Variants in TRIO observed in about 807,000 individuals in gnomAD.
TRIO encodes trio Rho guanine nucleotide exchange factor.
TRIO carries 58 observed loss-of-function variants against 351.9 expected under a neutral mutation model. The observed-to-expected ratio is 0.16, with a 90% confidence interval of 0.13 to 0.21. The LOEUF is 0.21. TRIO is among the 10% of genes least tolerant of loss of function. TRIO has a pLI of 1.00. For missense variants in TRIO, 3,201 were observed against 4,027.8 expected (o/e 0.79, Z 5.56); for synonymous variants, 1,758 against 1,595.7 (o/e 1.10, Z -2.42).
chr5:14,442,846 G>A (rs1752173121), intron 34 of TRIO, among the ~76,000 whole-genome samples: 1 of 152,220 alleles, frequency 6.6e-6, no homozygotes, highest in Admixed American at 6.5e-5. Context: ...TGAATCTTGA[G>A]TAAATTACCT....
chr5:14,474,221 C>A, intron 40 of TRIO, 124 bp downstream of exon 40: 1 of 869,060 alleles, frequency 1.2e-6, no homozygotes. Flanking sequence ...CTGGAGGGAG[C>A]TGGTGCAAAG....
intron 1 of TRIO, among the ~76,000 whole-genome samples, chr5:14,196,226 G>A (rs1441825827): frequency 1.3e-5 from 2 of 151,950 alleles, no homozygotes; most frequent in East Asian, 3.9e-4. Flanking sequence ...GTGTGAGACC[G>A]GCCTGGCCAA....
chr5:14,244,234 CA>C (rs1561244317), intron 1 of TRIO, among the ~76,000 whole-genome samples: 1 of 152,130 alleles, frequency 6.6e-6, no homozygotes, highest in Non-Finnish European at 1.5e-5. Flanking sequence ...TTATATTTTG[CA>C]TTTGAAGTTG....
chr5:14,459,082 C>G (rs1441205820), intron 34 of TRIO, among the ~76,000 whole-genome samples: 1 of 152,180 alleles, frequency 6.6e-6, no homozygotes, highest in Non-Finnish European at 1.5e-5. Context: ...TGAGAAAAAT[C>G]TGGATTTTGA....
intron 1 of TRIO, among the ~76,000 whole-genome samples, chr5:14,178,450 G>A (rs1169302731): frequency 6.6e-6 from 1 of 152,222 alleles, no homozygotes; most frequent in Non-Finnish European, 1.5e-5. Context: ...TATTAGAAAG[G>A]TGACAGGTGT....
intron 11 of TRIO, among the ~76,000 whole-genome samples, chr5:14,351,150 CT>C (rs1407684346): frequency 6.6e-6 from 1 of 152,158 alleles, no homozygotes; most frequent in African/African-American, 2.4e-5. Flanking sequence ...TTGGTGACCC[CT>C]GTATTAAGGG....
At chr5:14,158,784 T>C (rs889591424) in intron 1 of TRIO, among the ~76,000 whole-genome samples, 4 of 152,194 alleles carry the variant, frequency 2.6e-5, no homozygotes, top group African/African-American at 9.7e-5. Context: ...TGAGCCATGA[T>C]TGTGCTACTG....
At chr5:14,225,894 GTTAGATAC>G (rs1792985872) in intron 1 of TRIO, among the ~76,000 whole-genome samples, 2 of 150,144 alleles carry the variant, frequency 1.3e-5, no homozygotes, top group African/African-American at 4.9e-5. Flanking sequence ...CTGCCACTGT[GTTAGATAC>G]TTGCAGGTTG....
At chr5:14,465,994 C>T (rs757441928) in intron 37 of TRIO, 4 of 279,470 alleles carry the variant, frequency 1.4e-5, no homozygotes, top group African/African-American at 2.1e-5. Context: ...GCAGCTCACC[C>T]GAGCCTTGGT....
intron 1 of TRIO, among the ~76,000 whole-genome samples, chr5:14,207,005 TAGG>T (rs938257547): frequency 3.7e-4 from 56 of 152,180 alleles, no homozygotes; most frequent in African/African-American, 1.3e-3. Flanking sequence ...CTATAAAACT[TAGG>T]AGAGAATCTT....
chr5:14,310,063 T>C (rs71614082), intron 8 of TRIO, among the ~76,000 whole-genome samples: 20,278 of 152,268 alleles, frequency 0.13, 1,572 homozygotes, highest in Admixed American at 0.22. Context: ...CACCTGGGCC[T>C]CCTGAACACT....
At chr5:14,287,535 A>T (rs1429552512) in intron 4 of TRIO, among the ~76,000 whole-genome samples, 2 of 152,230 alleles carry the variant, frequency 1.3e-5, no homozygotes, top group Non-Finnish European at 2.9e-5. Context: ...ATTTCTGAAA[A>T]TGGAGATAGT....
chr5:14,209,079 C>A (rs1394345988), intron 1 of TRIO, among the ~76,000 whole-genome samples: 1 of 152,214 alleles, frequency 6.6e-6, no homozygotes, highest in Non-Finnish European at 1.5e-5. Context: ...TTTTCTGTTT[C>A]ATCTAGTCCT....
chr5:14,318,372 T>C (rs1259816279), intron 9 of TRIO, among the ~76,000 whole-genome samples: 1 of 150,614 alleles, frequency 6.6e-6, no homozygotes, highest in Non-Finnish European at 1.5e-5. Context: ...GGAGAATCAC[T>C]TGAACTGGGG....
intron 34 of TRIO, among the ~76,000 whole-genome samples, chr5:14,439,198 T>C (rs1751831701): frequency 6.6e-6 from 1 of 152,158 alleles, no homozygotes; most frequent in South Asian, 2.1e-4. Flanking sequence ...GTATTTTTAA[T>C]AGAGATGGGG....
At position 14,408,742 on chromosome 5, in the gene TRIO, G is replaced by A. The variant is rs576099183; in HGVS notation, c.4959+2070G>A. Among the ~76,000 whole-genome samples, 3 of 152,196 alleles carry A rather than the reference G, an allele frequency of 2.0e-5. No homozygotes were observed. The East Asian group carries it at 5.8e-4, about 29-fold the overall frequency. ...GGGTGCTCAAGTGTGTGGGAAAGTG[G>A]CCCGCATTCAGGGCATTTCCAGACC... On this transcript the variant is annotated intron_variant, in intron 33 of 56. Transcript: ENST00000344204.
At chr5:14,426,799 C>G (rs528225510) in intron 34 of TRIO, among the ~76,000 whole-genome samples, 1 of 152,232 alleles carries the variant, frequency 6.6e-6, no homozygotes, top group African/African-American at 2.4e-5. Flanking sequence ...GTGGGAGACT[C>G]TCAGCACAGA....
At chr5:14,280,290 G>A (rs982112522) in intron 2 of TRIO, 32 bp from the exon 3 acceptor site, 1 of 1,580,224 alleles carries the variant, frequency 6.3e-7, no homozygotes, top group African/African-American at 1.3e-5. Context: ...CTTATCTTGT[G>A]TCTAAGTGTA....
At chr5:14,157,660 T>C (rs1788198383) in intron 1 of TRIO, among the ~76,000 whole-genome samples, 2 of 152,120 alleles carry the variant, frequency 1.3e-5, no homozygotes, top group Non-Finnish European at 2.9e-5. Flanking sequence ...TGATCTCGGC[T>C]CACTGCAGCC....
Sources: allele counts gnomAD v4.1 joint callset (sites outside exome capture counted in the v4.1 genomes callset), GRCh38; gene constraint gnomAD v4.1.1; transcripts MANE v1.5; gene names NCBI Gene and HGNC (gene_info 2026-07-23, HGNC 2026-07-21).